The following SERGEF variants were observed in gnomAD, a reference collection of about 807,000 sequenced individuals.
SERGEF encodes the protein secretion regulating guanine nucleotide exchange factor.
SERGEF carries 51 observed loss-of-function variants against 50.0 expected under a neutral mutation model. The observed-to-expected ratio is 1.02, with a 90% CI of 0.81 to 1.29. The LOEUF (loss-of-function observed/expected upper bound fraction) is 1.29. Among genes scored for constraint, SERGEF ranks in the 50% most tolerant of loss-of-function variants. The pLI is 0.00. For synonymous variants in SERGEF, 205 were observed against 212.4 expected (o/e 0.97, Z 0.30); for missense variants, 521 against 557.0 (o/e 0.94, Z 0.65).
intron 9 of SERGEF, among the ~76,000 whole-genome samples, chr11:17,937,127 T>C (rs1852465479): frequency 6.6e-6 from 1 of 152,000 alleles, no homozygotes; most frequent in Non-Finnish European, 1.5e-5. Context: ...TTTAATAATA[T>C]AGATAAATGT....
intron 10 of SERGEF, among the ~76,000 whole-genome samples, chr11:17,808,594 T>A (rs1849808479): frequency 6.6e-6 from 1 of 152,138 alleles, no homozygotes; most frequent in South Asian, 2.1e-4. Flanking sequence ...AACACGAGAT[T>A]TGGAGGGGAC....
At chr11:17,919,447 A>C (rs750315099) in intron 9 of SERGEF, among the ~76,000 whole-genome samples, 4 of 152,146 alleles carry the variant, frequency 2.6e-5, no homozygotes, top group Non-Finnish European at 5.9e-5. Flanking sequence ...CAGAAGAGAG[A>C]GAGATGGTTA....
intron 9 of SERGEF, among the ~76,000 whole-genome samples, chr11:17,938,979 G>C (rs953282192): frequency 6.6e-6 from 1 of 152,168 alleles, no homozygotes; most frequent in Non-Finnish European, 1.5e-5. Context: ...CCTCTCATCA[G>C]AGAACTATTA....
chr11:17,854,271 G>A (rs1277928595), intron 10 of SERGEF, among the ~76,000 whole-genome samples: 1 of 152,124 alleles, frequency 6.6e-6, no homozygotes, highest in Non-Finnish European at 1.5e-5. Context: ...TCTCTACAGA[G>A]CTGAAAGTTT....
chr11:17,809,771 G>A (rs1849833994), intron 10 of SERGEF, among the ~76,000 whole-genome samples: 1 of 152,192 alleles, frequency 6.6e-6, no homozygotes, highest in Non-Finnish European at 1.5e-5. Context: ...CCTTAGCCAG[G>A]AGACTAGGAG....
intron 9 of SERGEF, among the ~76,000 whole-genome samples, chr11:17,905,542 G>A (rs1367440483): frequency 6.6e-6 from 1 of 152,206 alleles, no homozygotes; most frequent in African/African-American, 2.4e-5. Flanking sequence ...GGCAGAGATT[G>A]GAGTGACCTT....
At chr11:17,985,130 C>G (rs1853567463) in intron 8 of SERGEF, among the ~76,000 whole-genome samples, 1 of 152,168 alleles carries the variant, frequency 6.6e-6, no homozygotes, top group Non-Finnish European at 1.5e-5. Flanking sequence ...CTGGCCAGCT[C>G]ATGAGCTTTC....
chr11:17,835,217 G>A (rs1016953383), intron 10 of SERGEF, among the ~76,000 whole-genome samples: 5 of 152,194 alleles, frequency 3.3e-5, no homozygotes, highest in Non-Finnish European at 5.9e-5. Context: ...AGTGTAGTAT[G>A]TGCACACTGT....
intron 9 of SERGEF, among the ~76,000 whole-genome samples, chr11:17,950,002 A>G (rs776273528): frequency 3.3e-5 from 5 of 152,218 alleles, no homozygotes; most frequent in Non-Finnish European, 5.9e-5. Flanking sequence ...CTGATGCATT[A>G]TTGGTTAGGC....
intron 10 of SERGEF, among the ~76,000 whole-genome samples, chr11:17,803,382 C>A (rs2133828021): frequency 6.6e-6 from 1 of 152,318 alleles, no homozygotes; most frequent in East Asian, 1.9e-4. Context: ...TGAAGGAAAG[C>A]CAGCTGGGCA....
At position 17,832,447 on chromosome 11, in the gene SERGEF, T is replaced by C. The variant is rs539079539; in HGVS notation, c.1049-44034A>G. ...CCTCTTTCTTTGGTAAACTGCTCAG[T>C]TTCAGGTATGTGTTTATTAGCAGTG... On this transcript the variant is annotated intron_variant, in intron 10 of 10. Coordinates refer to ENST00000265965, the MANE Select transcript of SERGEF (RefSeq NM_012139.4). 2.6e-5 allele frequency among the ~76,000 whole-genome samples: 4 copies of C among 152,292 alleles called. No individual in the cohort carries two copies. In the East Asian group the frequency reaches 7.7e-4, roughly 29 times the overall value.
At chr11:17,931,853 C>T (rs549726549) in intron 9 of SERGEF, among the ~76,000 whole-genome samples, 30 of 152,248 alleles carry the variant, frequency 2.0e-4, no homozygotes, top group African/African-American at 6.7e-4. Flanking sequence ...CTGGGAGTGA[C>T]GCCCAGCAAT....
At chr11:18,011,777 A>C (rs1854201961) in intron 1 of SERGEF, among the ~76,000 whole-genome samples, 1 of 152,130 alleles carries the variant, frequency 6.6e-6, no homozygotes, top group Non-Finnish European at 1.5e-5. Flanking sequence ...AAAAAGCCAG[A>C]GACAGCACAC....
At chr11:17,938,819 A>G (rs1264108080) in intron 9 of SERGEF, among the ~76,000 whole-genome samples, 1 of 152,224 alleles carries the variant, frequency 6.6e-6, no homozygotes, top group Non-Finnish European at 1.5e-5. Context: ...GATCTATGAT[A>G]CAAGTGAATA....
chr11:17,869,903 G>A (rs555136828), intron 10 of SERGEF, among the ~76,000 whole-genome samples: 28 of 152,292 alleles, frequency 1.8e-4, no homozygotes, highest in African/African-American at 6.7e-4. Flanking sequence ...CTGATATTAA[G>A]ACAGGGAGTG....
intron 8 of SERGEF, among the ~76,000 whole-genome samples, chr11:17,974,657 C>G (rs2237912): frequency 0.11 from 17,383 of 152,260 alleles, 1,301 homozygotes; most frequent in Middle Eastern, 0.22. Context: ...CTGGCTGGCT[C>G]TGCTACGTGT....
At chr11:17,882,244 C>T (rs1276487320) in intron 9 of SERGEF, among the ~76,000 whole-genome samples, 5 of 151,884 alleles carry the variant, frequency 3.3e-5, no homozygotes, top group Non-Finnish European at 4.4e-5. Context: ...GGTGAAACCC[C>T]GTCTCTACTA....
chr11:17,952,499 C>A (rs1042965753), intron 9 of SERGEF, among the ~76,000 whole-genome samples: 2 of 152,132 alleles, frequency 1.3e-5, no homozygotes, highest in Admixed American at 6.5e-5. Flanking sequence ...TTCTTGGGGG[C>A]CTTGCTCCAA....
Position 17,965,665 on chromosome 11 carries a change from T to A in SERGEF, c.845-6029A>T, listed in dbSNP as rs981190108. 2.0e-5 allele frequency among the ~76,000 whole-genome samples: 3 copies of A among 152,356 alleles called. No individual in the cohort carries two copies. In the East Asian group the frequency reaches 5.8e-4, roughly 29 times the overall value. ...GAGCCAGCTCCATGACACTGGGGACTGGCTATTTCACTCATTCTTGTGTCC... is the reference window on the plus strand; with the variant it reads ...GAGCCAGCTCCATGACACTGGGGACAGGCTATTTCACTCATTCTTGTGTCC... On this transcript the variant is annotated intron_variant, in intron 8 of 10. Transcript: ENST00000265965.
Sources: gnomAD v4.1 joint callset for allele counts (sites outside exome capture counted in the v4.1 genomes callset) on GRCh38, gnomAD v4.1.1 for gene constraint, MANE v1.5 for transcripts, NCBI Gene and HGNC (gene_info 2026-07-23, HGNC 2026-07-21) for gene names.